Variants in HIPK3 observed in about 807,000 individuals in gnomAD.
HIPK3 encodes the protein homeodomain-interacting protein kinase 3.
A neutral mutation model predicts 124.2 loss-of-function variants in HIPK3; 47 were observed. The observed-to-expected ratio is 0.38, with a 90% CI of 0.30 to 0.48. HIPK3 has a LOEUF of 0.48. Among genes scored for constraint, HIPK3 ranks in the 20% least tolerant of loss-of-function variants. The probability of loss-of-function intolerance (pLI) is 0.98; values close to 1 mark genes in which losing one functional copy is unlikely to be tolerated. For missense variants in HIPK3, 1,286 were observed against 1,454.3 expected, an observed-to-expected ratio of 0.88 and a Z score of 1.88; for synonymous variants, 482 against 515.2, an observed-to-expected ratio of 0.94 and a Z score of 0.87.
At chr11:33,343,583 G>A (rs879840609) in intron 8 of HIPK3, among the ~76,000 whole-genome samples, 2 of 152,034 alleles carry the variant, frequency 1.3e-5, no homozygotes, top group Non-Finnish European at 2.9e-5. Context: ...CCCAGCCTCT[G>A]ATTTTTTAAT....
intron 14 of HIPK3, among the ~76,000 whole-genome samples, chr11:33,350,436 G>A (rs1185223648): frequency 6.6e-6 from 1 of 151,900 alleles, no homozygotes; most frequent in African/African-American, 2.4e-5. Flanking sequence ...GGAGGCCAAG[G>A]CAGGAGGATC....
intron 1 of HIPK3, among the ~76,000 whole-genome samples, chr11:33,281,052 A>C (rs1002523699): frequency 1.2e-5 from 1 of 83,724 alleles, no homozygotes; most frequent in African/African-American, 4.8e-5. Context: ...ATATTTACTT[A>C]TTTGACTTTT....
intron 1 of HIPK3, among the ~76,000 whole-genome samples, chr11:33,268,352 T>C (rs1298052264): frequency 1.3e-5 from 2 of 152,060 alleles, no homozygotes; most frequent in Admixed American, 6.6e-5. Context: ...CCTAGCACTT[T>C]AGGAGGCTGA....
chr11:33,273,644 AT>A (rs1190335018), intron 1 of HIPK3, among the ~76,000 whole-genome samples: 1 of 152,140 alleles, frequency 6.6e-6, no homozygotes, highest in Non-Finnish European at 1.5e-5. Context: ...AATTGTAGAA[AT>A]TAAAAAAATA....
Position 33,339,398 on chromosome 11 carries a change from G to A in HIPK3, c.1477G>A (p.Ala493Thr), listed in dbSNP as rs1461196543. 1 of 1,613,608 alleles carries A rather than the reference G, an allele frequency of 6.2e-7. No homozygotes were observed. The highest frequency in any genetic ancestry group is 8.5e-7 in the Non-Finnish European group (1 of 1,179,646). Residue 493 changes from alanine (A) to threonine (T), a missense_variant, in exon 6 of 17, where the codon GCT becomes ACT. Ala to Thr is a moderately conservative substitution (Grantham distance 58, BLOSUM62 0). Coordinates refer to ENST00000303296, the MANE Select transcript of HIPK3 (RefSeq NM_005734.5). ...LEGSDLLAEK[A>T]DRREFVSLLK... ...AGGAAGTGATCTTTTGGCTGAGAAA[G>A]CTGATAGAAGAGAATTTGTTAGTCT...
chr11:33,282,028 A>G (rs980146750), intron 1 of HIPK3, among the ~76,000 whole-genome samples: 1 of 152,174 alleles, frequency 6.6e-6, no homozygotes, highest in African/African-American at 2.4e-5. Context: ...CTGTTCTTCT[A>G]TATTTTTCAT....
chr11:33,291,397 C>T lies in HIPK3; in HGVS notation c.1097+3886C>T, dbSNP rs1409541347. Among the ~76,000 whole-genome samples the T allele has an allele frequency of 2.6e-5, 4 of 152,060 alleles. No individual in the cohort carries two copies. The East Asian group carries it at 5.8e-4, about 22-fold the overall frequency. Reference sequence around the variant, plus strand: ...CACATATCCTGATTTCTGAGGTAAACGATTTGTGTTTAAACTCAGGTTTAT... The same window carrying T: ...CACATATCCTGATTTCTGAGGTAAATGATTTGTGTTTAAACTCAGGTTTAT... On this transcript the variant is annotated intron_variant, in intron 2 of 16. Coordinates refer to ENST00000303296, the MANE Select transcript of HIPK3 (RefSeq NM_005734.5).
intron 6 of HIPK3, among the ~76,000 whole-genome samples, chr11:33,340,003 AG>A (rs1853282409): frequency 6.6e-6 from 1 of 152,096 alleles, no homozygotes; most frequent in Non-Finnish European, 1.5e-5. Flanking sequence ...ATGGGTCAGT[AG>A]ATCATAGGTC....
At chr11:33,343,689 T>TG (rs1201321912) in intron 8 of HIPK3, among the ~76,000 whole-genome samples, 1 of 152,234 alleles carries the variant, frequency 6.6e-6, no homozygotes, top group Non-Finnish European at 1.5e-5. Flanking sequence ...CTTGATTTGC[T>TG]GGTAATAAGA....
At position 33,329,804 on chromosome 11, in the gene HIPK3, A is replaced by G. The variant is rs112310115; in HGVS notation, c.1221+1171A>G. Reference sequence around the variant, plus strand: ...ACCGTCAGTTCTGAACGAGTTAGTAATTGAATCAGAGTCCCATAATCCTTT... The same window carrying G: ...ACCGTCAGTTCTGAACGAGTTAGTAGTTGAATCAGAGTCCCATAATCCTTT... On this transcript the variant is annotated intron_variant, in intron 3 of 16. Coordinates refer to ENST00000303296, the MANE Select transcript of HIPK3 (RefSeq NM_005734.5). Among the ~76,000 whole-genome samples, 133 of 152,336 alleles carry G rather than the reference A, an allele frequency of 8.7e-4. 3 individuals are homozygous for G. In the Middle Eastern group the frequency reaches 0.024, roughly 27 times the overall value.
intron 2 of HIPK3, among the ~76,000 whole-genome samples, chr11:33,311,153 C>T (rs186941284): frequency 3.4e-3 from 516 of 152,300 alleles, no homozygotes; most frequent in Middle Eastern, 0.01. Flanking sequence ...GCTGTCTTGT[C>T]TGTTCTCTGA....
intron 14 of HIPK3, among the ~76,000 whole-genome samples, chr11:33,351,317 A>G (rs1209524168): frequency 1.3e-5 from 2 of 152,196 alleles, no homozygotes; most frequent in South Asian, 2.1e-4. Flanking sequence ...TATAAAGAGG[A>G]ATTTTATGAG....
Position 33,317,334 on chromosome 11 carries a change from A to C in HIPK3, c.1098-11176A>C, listed in dbSNP as rs189945652. On this transcript the variant is annotated intron_variant, in intron 2 of 16. Transcript: ENST00000303296. ...TGCCCAGGCTGCAGTTCAGTGGCACAGTCTGAGCTCCCTGTAGTCTTGCTC... is the reference window on the plus strand; with the variant it reads ...TGCCCAGGCTGCAGTTCAGTGGCACCGTCTGAGCTCCCTGTAGTCTTGCTC... Among the ~76,000 whole-genome samples, 21 of 140,228 alleles carry C rather than the reference A, an allele frequency of 1.5e-4. No individual in the cohort carries two copies. The East Asian group carries it at 4.4e-3, about 30-fold the overall frequency. 92.0% of individuals were successfully genotyped at this position (140,228 alleles called of 152,430 possible).
At chr11:33,304,021 A>G (rs1021661641) in intron 2 of HIPK3, among the ~76,000 whole-genome samples, 4 of 152,210 alleles carry the variant, frequency 2.6e-5, no homozygotes, top group Middle Eastern at 3.4e-3. Context: ...GCTCACTGCA[A>G]TCTCCGCCTC....
At chr11:33,320,854 A>C (rs993310199) in intron 2 of HIPK3, among the ~76,000 whole-genome samples, 2 of 152,212 alleles carry the variant, frequency 1.3e-5, no homozygotes. Flanking sequence ...AACATTCAAA[A>C]AGAAGTGCTG....
At chr11:33,276,740 CTG>C (rs1351878736) in intron 1 of HIPK3, among the ~76,000 whole-genome samples, 1 of 152,082 alleles carries the variant, frequency 6.6e-6, no homozygotes, top group Non-Finnish European at 1.5e-5. Flanking sequence ...GAGTCTCACT[CTG>C]TTGCCCAGGC....
chr11:33,280,359 T>C (rs1314867791), intron 1 of HIPK3, among the ~76,000 whole-genome samples: 1 of 152,166 alleles, frequency 6.6e-6, no homozygotes, highest in Non-Finnish European at 1.5e-5. Flanking sequence ...GTAAAATCCA[T>C]AAACACCAGA....
At chr11:33,268,579 AGAC>A (rs1851036989) in intron 1 of HIPK3, among the ~76,000 whole-genome samples, 2 of 146,150 alleles carry the variant, frequency 1.4e-5, no homozygotes, top group Non-Finnish European at 3.0e-5. Flanking sequence ...CAACAGAGTA[AGAC>A]TCCGTCACCA....
At chr11:33,333,695 TG>T (rs1853056043) in intron 3 of HIPK3, among the ~76,000 whole-genome samples, 1 of 152,250 alleles carries the variant, frequency 6.6e-6, no homozygotes, top group Non-Finnish European at 1.5e-5. Context: ...GTTTGTTTTT[TG>T]TTTTACAGAG....
Sources: allele counts gnomAD v4.1 joint callset (sites outside exome capture counted in the v4.1 genomes callset), GRCh38; gene constraint gnomAD v4.1.1; transcripts MANE v1.5; gene names NCBI Gene and HGNC (gene_info 2026-07-23, HGNC 2026-07-21).